Variants in SIPA1L1 observed in about 807,000 individuals in gnomAD.
The protein encoded by SIPA1L1 is signal-induced proliferation-associated 1-like protein 1.
In SIPA1L1, 26 loss-of-function variants were observed where a neutral mutation model predicts 162.7. The ratio of observed to expected loss-of-function variants is 0.16; its 90% CI spans 0.12 to 0.22. The LOEUF is 0.22. Ranked by LOEUF, SIPA1L1 falls within the 10% of genes least tolerant of loss-of-function variation. The pLI is 1.00. For synonymous variants in SIPA1L1, 829 were observed against 837.4 expected, an observed-to-expected ratio of 0.99 and a Z score of 0.17; for missense variants, 1,874 against 2,241.0, an observed-to-expected ratio of 0.84 and a Z score of 3.31.
At chr14:71,401,343 C>A (rs2041655274) in intron 2 of SIPA1L1, among the ~76,000 whole-genome samples, 2 of 151,468 alleles carry the variant, frequency 1.3e-5, no homozygotes, top group African/African-American at 2.4e-5. Flanking sequence ...ATTCTGAATA[C>A]CTCTTTTTTA....
intron 4 of SIPA1L1, among the ~76,000 whole-genome samples, chr14:71,552,070 A>G (rs2055891357): frequency 6.6e-6 from 1 of 152,190 alleles, no homozygotes; most frequent in African/African-American, 2.4e-5. Context: ...CTAGACTGTA[A>G]GCCCCTCAAG....
Position 71,589,048 on chromosome 14 carries a change from G to C in SIPA1L1, c.1176G>C (p.Leu392=). 6.2e-7 allele frequency: 1 copy of C among 1,614,118 alleles called. No homozygotes were observed. The highest frequency in any genetic ancestry group is 1.1e-5 in the South Asian group (1 of 91,086). ...FSSPMGSTED[L]NSKGSLSMDQ... is the part of the protein sequence containing the mutation. Reference sequence around the variant, plus strand: ...CCCCAATGGGCAGCACAGAGGACCTGAATTCCAAAGGAAGCCTCAGCATGG... The same window carrying C: ...CCCCAATGGGCAGCACAGAGGACCTCAATTCCAAAGGAAGCCTCAGCATGG... Residue 392 remains leucine (L), a synonymous_variant, in exon 5 of 24, where the codon CTG becomes CTC. Transcript: ENST00000381232.
At chr14:71,677,901 A>G (rs914868025) in intron 12 of SIPA1L1, among the ~76,000 whole-genome samples, 28 of 152,128 alleles carry the variant, frequency 1.8e-4, no homozygotes, top group Admixed American at 3.3e-4. Flanking sequence ...TTGAAGTCAA[A>G]TAGCGTGATG....
intron 10 of SIPA1L1, among the ~76,000 whole-genome samples, chr14:71,665,467 A>G (rs1314057887): frequency 1.3e-5 from 2 of 152,180 alleles, no homozygotes; most frequent in Non-Finnish European, 2.9e-5. Context: ...AGAGCCCTCC[A>G]GTCTCTATTG....
At chr14:71,671,052 A>G in intron 10 of SIPA1L1, 67 bp from the exon 11 acceptor site, 2 of 1,271,640 alleles carry the variant, frequency 1.6e-6, no homozygotes, top group Non-Finnish European at 2.2e-6. Context: ...TTGAGAAAGT[A>G]TATTTTATTC....
At chr14:71,445,263 T>G (rs758792340) in intron 2 of SIPA1L1, among the ~76,000 whole-genome samples, 2 of 152,176 alleles carry the variant, frequency 1.3e-5, no homozygotes, top group South Asian at 2.1e-4. Flanking sequence ...TTTCCTGATA[T>G]GTAGAGAACT....
At chr14:71,583,154 A>G (rs1439490039) in intron 4 of SIPA1L1, among the ~76,000 whole-genome samples, 3 of 152,092 alleles carry the variant, frequency 2.0e-5, no homozygotes, top group Admixed American at 6.6e-5. Flanking sequence ...AACTATTTCT[A>G]TTTTTTTGTT....
intron 2 of SIPA1L1, among the ~76,000 whole-genome samples, chr14:71,354,434 C>T (rs1312097485): frequency 6.6e-6 from 1 of 152,010 alleles, no homozygotes; most frequent in Non-Finnish European, 1.5e-5. Context: ...CCCGTCACCA[C>T]ACCTGGCTAA....
chr14:71,519,007 A>C (rs576530427), intron 3 of SIPA1L1, among the ~76,000 whole-genome samples: 3 of 152,328 alleles, frequency 2.0e-5, no homozygotes, highest in African/African-American at 4.8e-5. Context: ...AGCATGGGAA[A>C]GACCAGCCCC....
At chr14:71,404,924 G>A (rs1188644025) in intron 2 of SIPA1L1, among the ~76,000 whole-genome samples, 1 of 152,154 alleles carries the variant, frequency 6.6e-6, no homozygotes, top group Non-Finnish European at 1.5e-5. Flanking sequence ...AAATGTTTTG[G>A]TTCTTGGTAT....
chr14:71,548,885 C>CAAAA (rs774158181), intron 4 of SIPA1L1, among the ~76,000 whole-genome samples: 1 of 65,364 alleles, frequency 1.5e-5, no homozygotes, highest in Admixed American at 1.7e-4. Flanking sequence ...AGACTGTCTC[C>CAAAA]AAAAAAAAAA....
rs2034836701 is a variant in SIPA1L1, at chr14:71,588,145, A to G, written c.273A>G (p.Lys91=). The part of the protein sequence containing the change: ...ADWPPRKENI[K]ESSRSSQEIE... The stretch of plus-strand genomic sequence containing the variant: ...GGCCCCCAAGAAAGGAAAACATAAA[A>G]GAATCTAGCCGTTCAAGCCAGGAAA... Residue 91 remains lysine (K), a synonymous_variant, in exon 5 of 24, where the codon AAA becomes AAG. Transcript: ENST00000381232. The surrounding 1 kb of genome is among the most constrained non-coding windows in gnomAD (Gnocchi z 4.3). 1.9e-6 allele frequency: 3 copies of G among 1,614,198 alleles called. No homozygotes were observed. Among genetic ancestry groups the G allele is most frequent in the Non-Finnish European group, 8.5e-7 (1 of 1,180,008 alleles).
At chr14:71,633,560 A>C (rs749359359) in intron 7 of SIPA1L1, among the ~76,000 whole-genome samples, 3 of 152,220 alleles carry the variant, frequency 2.0e-5, no homozygotes, top group Non-Finnish European at 4.4e-5. Context: ...TAGAACTGAA[A>C]AATAGAACAG....
intron 2 of SIPA1L1, among the ~76,000 whole-genome samples, chr14:71,485,994 A>T (rs1032027146): frequency 6.6e-6 from 1 of 152,130 alleles, no homozygotes; most frequent in Non-Finnish European, 1.5e-5. Flanking sequence ...CTAATTCAGC[A>T]CCCAGAGTAG....
rs893351861 is a variant in SIPA1L1 at position 71,694,038 on chromosome 14, G to A, written c.3375-4943G>A. On this transcript the variant is annotated intron_variant, in intron 13 of 23. Transcript: ENST00000381232. ...TTAATTAATCTTACCTAATCAGTTAGGAAAATATTTTACCATCAACTTGTC... is the reference window on the plus strand; with the variant it reads ...TTAATTAATCTTACCTAATCAGTTAAGAAAATATTTTACCATCAACTTGTC... 9.2e-5 allele frequency among the ~76,000 whole-genome samples: 14 copies of A among 152,234 alleles called. No homozygotes were observed. The East Asian group carries it at 2.7e-3, about 29-fold the overall frequency.
At chr14:71,544,111 A>G (rs939581526) in intron 4 of SIPA1L1, among the ~76,000 whole-genome samples, 1 of 151,530 alleles carries the variant, frequency 6.6e-6, no homozygotes, top group African/African-American at 2.4e-5. Flanking sequence ...ATGTATGTAT[A>G]TACACATATA....
intron 2 of SIPA1L1, among the ~76,000 whole-genome samples, chr14:71,445,626 A>T (rs911453696): frequency 2.0e-5 from 3 of 152,180 alleles, no homozygotes; most frequent in Non-Finnish European, 4.4e-5. Context: ...TATTAATATT[A>T]CACAATTATC....
rs142420290 is a variant in SIPA1L1, at chr14:71,573,872, G to T, written c.-302-13699G>T. On this transcript the variant is annotated intron_variant, in intron 4 of 23. Coordinates refer to ENST00000381232, the MANE Select transcript of SIPA1L1 (RefSeq NM_001386936.1). ...ATGCCTTTGATGCTTATTATACTCA[G>T]AACAGTAGATGGGCCTTTTCTTGTG... 1.6e-4 allele frequency: 56 copies of T among 357,122 alleles called. No individual in the cohort carries two copies. The East Asian group carries it at 3.4e-3, about 22-fold the overall frequency. 22.1% of individuals were successfully genotyped at this position (357,122 alleles called of 1,614,324 possible). A position where few individuals can be genotyped will look rare whatever the true frequency, so the allele number is the denominator to read the frequency against.
chr14:71,421,495 AG>A lies in SIPA1L1; in HGVS notation c.-464-91247del, dbSNP rs149828683. Among the ~76,000 whole-genome samples the A allele has an allele frequency of 1.3e-3, 204 of 152,226 alleles. No homozygotes were observed. In the East Asian group the frequency reaches 0.017, roughly 13 times the overall value. On this transcript the variant is annotated intron_variant, in intron 2 of 23. Coordinates refer to ENST00000381232, the MANE Select transcript of SIPA1L1 (RefSeq NM_001386936.1). ...TTGCTTGTAGTCCCAGCTTCTTGGG[AG>A]CCTAAGGTGGGAGGATGGCTTGAGC...
Sources: allele counts gnomAD v4.1 joint callset (sites outside exome capture counted in the v4.1 genomes callset), GRCh38; gene constraint gnomAD v4.1.1; non-coding constraint Gnocchi (gnomAD v3.1); transcripts MANE v1.5; gene names NCBI Gene and HGNC (gene_info 2026-07-23, HGNC 2026-07-21).